The following CAMTA1 variants were observed in gnomAD, a reference collection of about 807,000 sequenced individuals.
CAMTA1 encodes the protein calmodulin-binding transcription activator 1.
Under a neutral mutation model 170.9 loss-of-function variants are expected in CAMTA1, and 27 were observed. That is an observed-to-expected ratio of 0.16 (90% CI 0.12 to 0.22). The LOEUF (loss-of-function observed/expected upper bound fraction) is 0.22. Ranked by LOEUF, CAMTA1 falls within the 10% of genes least tolerant of loss-of-function variation. The pLI, the probability that CAMTA1 is intolerant of heterozygous loss-of-function variation, is 1.00. For synonymous variants in CAMTA1, 833 were observed against 891.5 expected, an observed-to-expected ratio of 0.93 and a Z score of 1.17; for missense variants, 1,619 against 2,217.2, an observed-to-expected ratio of 0.73 and a Z score of 5.42.
intron 4 of CAMTA1, among the ~76,000 whole-genome samples, chr1:7,151,065 T>C (rs75574240): frequency 0.011 from 1,735 of 152,314 alleles, 16 homozygotes; most frequent in East Asian, 0.03. Context: ...GTTGAAACCA[T>C]TGGGCCAAGA....
At chr1:7,155,495 G>A (rs944707841) in intron 4 of CAMTA1, among the ~76,000 whole-genome samples, 1 of 151,592 alleles carries the variant, frequency 6.6e-6, no homozygotes, top group African/African-American at 2.4e-5. Context: ...TGTCATTAAC[G>A]AGCCATGAGG....
rs146163338 is a variant in CAMTA1 at position 7,288,205 on chromosome 1, C to T, written c.438+38579C>T. ...GTGACTCTGAAGCCCACACTCGTAG[C>T]GCTCTGCGTGCTGGGCACCGTGGGG... is the stretch of plus-strand genomic sequence containing the variant. On this transcript the variant is annotated intron_variant, in intron 5 of 22. Coordinates refer to ENST00000303635, the MANE Select transcript of CAMTA1 (RefSeq NM_015215.4). 4.8e-3 allele frequency among the ~76,000 whole-genome samples: 726 copies of T among 152,338 alleles called. 8 individuals are homozygous for T. Among genetic ancestry groups the T allele is most frequent in the Admixed American group, 0.024 (370 of 15,300 alleles).
intron 4 of CAMTA1, among the ~76,000 whole-genome samples, chr1:7,098,343 G>A (rs749942485): frequency 1.3e-5 from 2 of 152,244 alleles, no homozygotes; most frequent in African/African-American, 2.4e-5. Context: ...GACGTGTCAC[G>A]TTAGGTGCGT....
At position 7,063,683 on chromosome 1, in the gene CAMTA1, T is replaced by G. The variant is rs929813376; in HGVS notation, c.235-27621T>G. On this transcript the variant is annotated intron_variant, in intron 3 of 22. Coordinates refer to ENST00000303635, the MANE Select transcript of CAMTA1 (RefSeq NM_015215.4). This position sits in a 1 kb window ranked among gnomAD's most constrained non-coding sequence, Gnocchi z 4.3. ...ATTTGGACTTAGATTATTAGACATT[T>G]TCTTCTTATAAAAATCAGCAAGTTG... Among the ~76,000 whole-genome samples the G allele has an allele frequency of 6.6e-6, 1 of 152,196 alleles. No homozygotes were observed. Among genetic ancestry groups the G allele is most frequent in the Non-Finnish European group, 1.5e-5 (1 of 68,042 alleles).
chr1:6,865,977 A>G (rs1174957922), intron 3 of CAMTA1, among the ~76,000 whole-genome samples: 1 of 152,352 alleles, frequency 6.6e-6, no homozygotes, highest in East Asian at 1.9e-4. Context: ...AAAAAAATGT[A>G]ATAGTCTTTA....
rs968664562 is a variant in CAMTA1 at position 7,732,964 on chromosome 1, C to T, written c.3066+365C>T. 3.9e-5 allele frequency among the ~76,000 whole-genome samples: 6 copies of T among 152,038 alleles called. No individual in the cohort carries two copies. The highest frequency in any genetic ancestry group is 8.8e-5 in the Non-Finnish European group (6 of 68,014). ...ATCCCAGCGCTGTAGGAGGCCAAGACGGGAGGATTGCTTGAGCCCAGGAGT... is the reference window on the plus strand; with the variant it reads ...ATCCCAGCGCTGTAGGAGGCCAAGATGGGAGGATTGCTTGAGCCCAGGAGT... On this transcript the variant is annotated intron_variant, in intron 12 of 22. Transcript: ENST00000303635. The surrounding 1 kb of genome is among the most constrained non-coding windows in gnomAD (Gnocchi z 4.1).
intron 5 of CAMTA1, among the ~76,000 whole-genome samples, chr1:7,303,286 A>G (rs1317629183): frequency 6.6e-6 from 1 of 152,234 alleles, no homozygotes; most frequent in Non-Finnish European, 1.5e-5. Flanking sequence ...TTAAAGAAAC[A>G]TTGAATTTTT....
At chr1:7,535,113 G>T (rs982850118) in intron 6 of CAMTA1, among the ~76,000 whole-genome samples, 3 of 151,130 alleles carry the variant, frequency 2.0e-5, no homozygotes, top group Admixed American at 2.0e-4. Context: ...AGGCAGCAAG[G>T]CCGGCAGGTC....
intron 1 of CAMTA1, among the ~76,000 whole-genome samples, chr1:6,809,806 T>C (rs1373737188): frequency 1.3e-5 from 2 of 151,420 alleles, no homozygotes; most frequent in Non-Finnish European, 2.9e-5. Flanking sequence ...GGTTGCTGAG[T>C]GTGGAGGGTT....
chr1:7,655,151 C>G (rs1373154090), intron 7 of CAMTA1, among the ~76,000 whole-genome samples: 1 of 147,540 alleles, frequency 6.8e-6, no homozygotes, highest in Non-Finnish European at 1.5e-5. Flanking sequence ...CCCACCTATA[C>G]ACACACCTAT....
At chr1:7,317,407 C>T (rs1466886552) in intron 5 of CAMTA1, among the ~76,000 whole-genome samples, 2 of 152,212 alleles carry the variant, frequency 1.3e-5, no homozygotes, top group African/African-American at 4.8e-5. Flanking sequence ...TCCCTGTCCT[C>T]ATCTGCAAAA....
chr1:6,906,162 C>T (rs926949183), intron 3 of CAMTA1, among the ~76,000 whole-genome samples: 12 of 113,202 alleles, frequency 1.1e-4, no homozygotes, highest in African/African-American at 3.9e-4. Flanking sequence ...GAGGGATTCC[C>T]TCTTTCGTGT....
chr1:7,605,002 G>T (rs1317752126), intron 6 of CAMTA1, among the ~76,000 whole-genome samples: 5 of 152,184 alleles, frequency 3.3e-5, no homozygotes, highest in Non-Finnish European at 5.9e-5. Flanking sequence ...GCGGATATTG[G>T]TGAACAGCAA....
intron 5 of CAMTA1, among the ~76,000 whole-genome samples, chr1:7,313,162 A>C (rs1390207123): frequency 1.3e-5 from 2 of 152,206 alleles, no homozygotes; most frequent in Non-Finnish European, 2.9e-5. Context: ...TCTGAATCAT[A>C]AAGGTCCTTA....
At chr1:7,295,719 T>C (rs1219137594) in intron 5 of CAMTA1, among the ~76,000 whole-genome samples, 3 of 152,180 alleles carry the variant, frequency 2.0e-5, no homozygotes, top group Non-Finnish European at 4.4e-5. Context: ...ACAGAAAATA[T>C]CCACGCCCTT....
intron 5 of CAMTA1, among the ~76,000 whole-genome samples, chr1:7,394,189 C>T (rs2089034286): frequency 6.6e-6 from 1 of 152,126 alleles, no homozygotes; most frequent in Non-Finnish European, 1.5e-5. Context: ...ATTTCGTTTG[C>T]TTTGGATGTA....
At chr1:7,452,737 G>T (rs570053176) in intron 5 of CAMTA1, among the ~76,000 whole-genome samples, 1 of 152,334 alleles carries the variant, frequency 6.6e-6, no homozygotes, top group South Asian at 2.1e-4. Context: ...TCCATTGTAT[G>T]GCGAGCCCAC....
At chr1:7,749,906 C>T (rs530671703) in intron 19 of CAMTA1, 6 of 403,962 alleles carry the variant, frequency 1.5e-5, no homozygotes, top group African/African-American at 1.0e-4. Flanking sequence ...GTAAACATAT[C>T]CCCCTTGCCA....
intron 1 of CAMTA1, among the ~76,000 whole-genome samples, chr1:6,800,898 G>A (rs959402582): frequency 2.0e-5 from 3 of 152,170 alleles, no homozygotes; most frequent in African/African-American, 4.8e-5. Flanking sequence ...CCTGGTGTTC[G>A]TGTAAACATT....
Sources: allele counts gnomAD v4.1 joint callset (sites outside exome capture counted in the v4.1 genomes callset), GRCh38; gene constraint gnomAD v4.1.1; non-coding constraint Gnocchi (gnomAD v3.1); transcripts MANE v1.5; gene names NCBI Gene and HGNC (gene_info 2026-07-23, HGNC 2026-07-21).